Variants in CD200R1L observed in about 807,000 individuals in gnomAD.
The protein encoded by CD200R1L is CD200 receptor 1 like.
Under a neutral mutation model 24.8 loss-of-function variants are expected in CD200R1L, and 14 were observed. The observed-to-expected ratio is 0.56, with a 90% CI of 0.37 to 0.88. CD200R1L has a LOEUF of 0.88. CD200R1L is among the 40% of genes least tolerant of loss of function. The pLI, the probability that CD200R1L is intolerant of heterozygous loss-of-function variation, is 0.00. For synonymous variants in CD200R1L, 111 were observed against 109.2 expected, an observed-to-expected ratio of 1.02 and a Z score of -0.11; for missense variants, 299 against 297.8, an observed-to-expected ratio of 1.00 and a Z score of -0.03.
intron 6 of CD200R1L, among the ~76,000 whole-genome samples, chr3:112,822,123 A>T (rs761014208): frequency 6.6e-6 from 1 of 152,228 alleles, no homozygotes; most frequent in Non-Finnish European, 1.5e-5. Context: ...CAAGGACCTT[A>T]CACTGTGCTG....
chr3:112,823,884 A>G (rs1281939309), intron 6 of CD200R1L, among the ~76,000 whole-genome samples: 1 of 152,180 alleles, frequency 6.6e-6, no homozygotes. Context: ...AGAGGCCCAC[A>G]TGCATGGGGT....
chr3:112,829,701 T>C (rs538879645), intron 3 of CD200R1L: 60 of 185,834 alleles, frequency 3.2e-4, no homozygotes, highest in Admixed American at 2.0e-3. Flanking sequence ...GATGGGTCCA[T>C]GTGGGCATCT....
intron 3 of CD200R1L, among the ~76,000 whole-genome samples, chr3:112,836,654 C>T (rs1938955884): frequency 6.6e-6 from 1 of 152,146 alleles, no homozygotes; most frequent in Admixed American, 6.5e-5. Context: ...ATATACTGAA[C>T]AGTTTGTGAG....
intron 6 of CD200R1L, among the ~76,000 whole-genome samples, chr3:112,820,384 A>G (rs542542532): frequency 4.6e-5 from 7 of 152,248 alleles, no homozygotes; most frequent in East Asian, 1.9e-4. Context: ...AAATGGCCCT[A>G]GGAATTATTG....
chr3:112,840,655 T>C (rs911636855), intron 2 of CD200R1L, among the ~76,000 whole-genome samples: 2 of 152,164 alleles, frequency 1.3e-5, no homozygotes, highest in Non-Finnish European at 2.9e-5. Flanking sequence ...CAAATTGTGG[T>C]CTACACTAAA....
Position 112,827,055 on chromosome 3 carries a change from G to C in CD200R1L, c.554C>G (p.Thr185Ser). The part of the protein sequence containing the change: ...STCPWEGHKS[T>S]VTCHVSHLTG... ...CAAATGGGAGACATGGCAGGTCACAGTAGACTTGTGGCCCTCCCAGGGGCA... is the reference window on the plus strand; with the variant it reads ...CAAATGGGAGACATGGCAGGTCACACTAGACTTGTGGCCCTCCCAGGGGCA... The change falls in exon 6 of 8, where the codon ACT becomes AGT. Residue 185 changes from threonine (T) to serine (S), a missense_variant. Physicochemically the swap from Thr to Ser is moderately conservative, Grantham distance 58. Coordinates refer to ENST00000488794, the MANE Select transcript of CD200R1L (RefSeq NM_001199215.3). 1 of 1,602,748 alleles carries C rather than the reference G, an allele frequency of 6.2e-7. No individual in the cohort carries two copies. Among genetic ancestry groups the C allele is most frequent in the Non-Finnish European group, 8.5e-7 (1 of 1,173,494 alleles).
chr3:112,834,500 C>T (rs564665612), intron 3 of CD200R1L, among the ~76,000 whole-genome samples: 61 of 152,182 alleles, frequency 4.0e-4, no homozygotes, highest in African/African-American at 1.4e-3. Flanking sequence ...CCTAGTATAC[C>T]AGTAGGCACA....
At chr3:112,838,359 T>A (rs1429380283) in intron 2 of CD200R1L, among the ~76,000 whole-genome samples, 1 of 151,854 alleles carries the variant, frequency 6.6e-6, no homozygotes, top group Non-Finnish European at 1.5e-5. Context: ...AAGTTCCATC[T>A]CCAGAACTAT....
At chr3:112,837,418 G>T (rs954988893) in intron 3 of CD200R1L, among the ~76,000 whole-genome samples, 1 of 151,934 alleles carries the variant, frequency 6.6e-6, no homozygotes. Context: ...GACTTTCCAG[G>T]CTCTGCTCTC....
chr3:112,822,728 G>T (rs1938565301), intron 6 of CD200R1L, among the ~76,000 whole-genome samples: 2 of 152,136 alleles, frequency 1.3e-5, no homozygotes, highest in African/African-American at 4.8e-5. Flanking sequence ...AATCTAAGCT[G>T]TTGGAATTTT....
In CD200R1L at chr3:112,845,726, T is replaced by C; in HGVS notation, c.-134A>G. 6.2e-7 allele frequency: 1 copy of C among 1,612,682 alleles called. No individual in the cohort carries two copies. Among genetic ancestry groups the C allele is most frequent in the Non-Finnish European group, 8.5e-7 (1 of 1,178,964 alleles). On this transcript the variant is annotated 5_prime_UTR_variant, in exon 2 of 8. Coordinates refer to ENST00000488794, the MANE Select transcript of CD200R1L (RefSeq NM_001199215.3). ...AATCAGTAATCTTGGAGCTGACATC[T>C]TCCCTAAAGTATGCTTTTGGAGTGG...
At position 112,832,534 on chromosome 3, in the gene CD200R1L, C is replaced by T. The variant is rs371127414; in HGVS notation, c.-17-3150G>A. Among the ~76,000 whole-genome samples, 167 of 152,140 alleles carry T rather than the reference C, an allele frequency of 1.1e-3. 1 individual carries two copies. Among genetic ancestry groups the T allele is most frequent in the African/African-American group, 3.8e-3 (158 of 41,490 alleles). ...ATACTGAAGACCTAAGTATGAGTCTCCTCTCAGAGACTTAAAGTATACTAA... is the reference window on the plus strand; with the variant it reads ...ATACTGAAGACCTAAGTATGAGTCTTCTCTCAGAGACTTAAAGTATACTAA... On this transcript the variant is annotated intron_variant, in intron 3 of 7. Coordinates refer to ENST00000488794, the MANE Select transcript of CD200R1L (RefSeq NM_001199215.3).
At chr3:112,841,099 T>C (rs952288494) in intron 2 of CD200R1L, 5 of 245,818 alleles carry the variant, frequency 2.0e-5, no homozygotes, top group African/African-American at 9.2e-5. Flanking sequence ...CCCAATCTCA[T>C]TGTAAATTGT....
chr3:112,822,830 CTGAT>C (rs1938568710), intron 6 of CD200R1L, among the ~76,000 whole-genome samples: 1 of 152,108 alleles, frequency 6.6e-6, no homozygotes, highest in Non-Finnish European at 1.5e-5. Context: ...TTTTGTTTAC[CTGAT>C]TGTACATTAG....
intron 6 of CD200R1L, among the ~76,000 whole-genome samples, chr3:112,824,717 G>T (rs956180634): frequency 6.6e-6 from 1 of 152,204 alleles, no homozygotes; most frequent in South Asian, 2.1e-4. Context: ...CATTGTGAAT[G>T]AAAACAGTGC....
intron 6 of CD200R1L, among the ~76,000 whole-genome samples, chr3:112,821,702 C>T (rs1374943345): frequency 6.6e-6 from 1 of 152,070 alleles, no homozygotes; most frequent in Non-Finnish European, 1.5e-5. Flanking sequence ...GCAAATTGTC[C>T]TAAACCTTGG....
chr3:112,823,043 T>C (rs1938574497), intron 6 of CD200R1L, among the ~76,000 whole-genome samples: 1 of 152,202 alleles, frequency 6.6e-6, no homozygotes, highest in Admixed American at 6.5e-5. Flanking sequence ...AAACAAACTG[T>C]ACAGAAAAGA....
chr3:112,830,730 A>G (rs969314870), intron 3 of CD200R1L, among the ~76,000 whole-genome samples: 1 of 152,140 alleles, frequency 6.6e-6, no homozygotes, highest in Non-Finnish European at 1.5e-5. Flanking sequence ...AATTTCTTCT[A>G]TTGGGTCTCA....
At chr3:112,829,505 C>A in intron 3 of CD200R1L, 121 bp from the exon 4 acceptor site, 1 of 1,289,908 alleles carries the variant, frequency 7.8e-7, no homozygotes, top group South Asian at 1.7e-5. Flanking sequence ...TAAAATTATA[C>A]AAAAATCATT....
Sources: gnomAD v4.1 joint callset for allele counts (sites outside exome capture counted in the v4.1 genomes callset) on GRCh38, gnomAD v4.1.1 for gene constraint, MANE v1.5 for transcripts, NCBI Gene and HGNC (gene_info 2026-07-23, HGNC 2026-07-21) for gene names.